Variants in CPNE8 observed in about 807,000 individuals in gnomAD.
CPNE8 encodes the protein copine 8.
In CPNE8, 45 loss-of-function variants were observed where a neutral mutation model predicts 81.5. That is an observed-to-expected ratio of 0.55 (90% confidence interval 0.44 to 0.71). The LOEUF is 0.71. Among genes scored for constraint, CPNE8 ranks in the 30% least tolerant of loss-of-function variants. The pLI, the probability that CPNE8 is intolerant of heterozygous loss-of-function variation, is 0.00. For missense variants in CPNE8, 594 were observed against 672.1 expected (o/e 0.88, Z 1.28); for synonymous variants, 252 against 226.3 (o/e 1.11, Z -1.02).
At chr12:38,749,356 A>G (rs1941304286) in intron 10 of CPNE8, among the ~76,000 whole-genome samples, 1 of 150,642 alleles carries the variant, frequency 6.6e-6, no homozygotes, top group Non-Finnish European at 1.5e-5. Flanking sequence ...CAGCCTGAAA[A>G]CAGGCTAATA....
chr12:38,689,563 T>C (rs907371351), intron 15 of CPNE8, among the ~76,000 whole-genome samples: 1 of 152,254 alleles, frequency 6.6e-6, no homozygotes. Flanking sequence ...GCTTCTGTTT[T>C]ATATACAGTA....
chr12:38,685,323 C>G (rs1226567842), intron 16 of CPNE8, among the ~76,000 whole-genome samples, 167 bp downstream of exon 16: 1 of 152,196 alleles, frequency 6.6e-6, no homozygotes, highest in African/African-American at 2.4e-5. Flanking sequence ...AGCAAAGTAT[C>G]ATGATCGTTT....
intron 6 of CPNE8, among the ~76,000 whole-genome samples, chr12:38,781,365 T>C (rs536671749): frequency 6.6e-6 from 1 of 152,134 alleles, no homozygotes; most frequent in South Asian, 2.1e-4. Flanking sequence ...TATGTAATTA[T>C]ATAAAAATTA....
At position 38,702,855 on chromosome 12, in the gene CPNE8, G is replaced by T; in HGVS notation, c.961+20C>A. 7.0e-7 allele frequency: 1 copy of T among 1,437,864 alleles called. No homozygotes were observed. The allele number at this position is 1,437,864 out of a possible 1,614,324, so 89.1% of individuals were successfully genotyped here. On this transcript the variant is annotated intron_variant, in intron 14 of 19. Coordinates refer to ENST00000331366, the MANE Select transcript of CPNE8 (RefSeq NM_153634.3). ...TGTAATTGCTGATGATTTTTATCAG[G>T]GGATAATCAAAACACTCACCGTTTG...
At chr12:38,829,280 C>A in intron 6 of CPNE8, 99 bp downstream of exon 6, 1 of 712,292 alleles carries the variant, frequency 1.4e-6, no homozygotes, top group South Asian at 2.0e-5. Context: ...GATTTTAAAA[C>A]CCACTTTTGC....
At chr12:38,862,668 G>C (rs981984162) in intron 3 of CPNE8, among the ~76,000 whole-genome samples, 1 of 152,154 alleles carries the variant, frequency 6.6e-6, no homozygotes, top group African/African-American at 2.4e-5. Flanking sequence ...GAAGAGAAAG[G>C]CTGGGTGCAA....
At position 38,718,815 on chromosome 12, in the gene CPNE8, C is replaced by T. The variant is rs140409898; in HGVS notation, c.914+4957G>A. ...TAATAAAAAATGTATGTCACTAAAGCATGTACTAACAGGAAATTTTTAAAT... is the reference window on the plus strand; with the variant it reads ...TAATAAAAAATGTATGTCACTAAAGTATGTACTAACAGGAAATTTTTAAAT... On this transcript the variant is annotated intron_variant, in intron 13 of 19. Coordinates refer to ENST00000331366, the MANE Select transcript of CPNE8 (RefSeq NM_153634.3). Among the ~76,000 whole-genome samples the T allele has an allele frequency of 7.6e-3, 1,157 of 152,096 alleles. 5 individuals carry two copies. The highest frequency in any genetic ancestry group is 0.017 in the Middle Eastern group (5 of 294).
chr12:38,717,540 T>C (rs1290606794), intron 13 of CPNE8, among the ~76,000 whole-genome samples: 1 of 149,388 alleles, frequency 6.7e-6, no homozygotes, highest in Non-Finnish European at 1.5e-5. Flanking sequence ...GAGGTATTTA[T>C]TCTAAGTAAA....
In CPNE8 at chr12:38,762,140, T is replaced by C; in HGVS notation, c.652A>G (p.Arg218Gly). ...TCATAGTCTCCATTACATAATGCTC[T>C]GACTGAGATCTTGAATGCTTGCCAT... ...PVWQAFKISVRALCNGDYDRT... is the reference protein window; with the variant it reads ...PVWQAFKISVGALCNGDYDRT... Residue 218 changes from arginine (R) to glycine (G), a missense_variant, in exon 9 of 20, where the codon AGA becomes GGA. Transcript: ENST00000331366. 1.3e-6 allele frequency: 2 copies of C among 1,596,726 alleles called. No homozygotes were observed. Among genetic ancestry groups the C allele is most frequent in the Non-Finnish European group, 8.5e-7 (1 of 1,169,856 alleles).
chr12:38,802,801 A>T lies in CPNE8; in HGVS notation c.408-26500T>A, dbSNP rs867365112. Among the ~76,000 whole-genome samples the T allele has an allele frequency of 9.9e-3, 1,384 of 139,394 alleles. 25 individuals are homozygous for T. The highest frequency in any genetic ancestry group is 0.034 in the African/African-American group (1,273 of 37,252). The allele number at this position is 139,394 out of a possible 152,430, so 91.4% of individuals were successfully genotyped here. A position where few individuals can be genotyped will look rare whatever the true frequency, so the allele number is the denominator to read the frequency against. On this transcript the variant is annotated intron_variant, in intron 6 of 19. Transcript: ENST00000331366. ...AAAAAGAGAGAAGAATCAAATAGAC[A>T]CAATAAAAAATGATAAAGGGGATAT... is the stretch of plus-strand genomic sequence containing the variant.
At chr12:38,780,288 T>A (rs1057101801) in intron 6 of CPNE8, among the ~76,000 whole-genome samples, 8 of 152,118 alleles carry the variant, frequency 5.3e-5, no homozygotes, top group African/African-American at 1.7e-4. Context: ...AAATAAATTA[T>A]CCATAATGCA....
intron 5 of CPNE8, among the ~76,000 whole-genome samples, chr12:38,836,418 T>C (rs1005333382): frequency 6.6e-6 from 1 of 152,146 alleles, no homozygotes; most frequent in South Asian, 2.1e-4. Context: ...AGTTCTATAT[T>C]CTATCTCCAT....
chr12:38,675,501 C>A (rs1049672901), intron 18 of CPNE8, among the ~76,000 whole-genome samples: 26 of 151,974 alleles, frequency 1.7e-4, no homozygotes, highest in Non-Finnish European at 2.9e-5. Flanking sequence ...AGATAATATC[C>A]TAGTGAAAAG....
At chr12:38,760,242 A>G (rs1319212119) in intron 10 of CPNE8, among the ~76,000 whole-genome samples, 4 of 152,006 alleles carry the variant, frequency 2.6e-5, no homozygotes, top group Non-Finnish European at 5.9e-5. Context: ...TCATTTTACA[A>G]ACATCTCATC....
intron 16 of CPNE8, among the ~76,000 whole-genome samples, chr12:38,682,209 G>C (rs1029720083): frequency 2.6e-5 from 4 of 151,676 alleles, no homozygotes; most frequent in Non-Finnish European, 5.9e-5. Flanking sequence ...GACAGAGAGA[G>C]ATTCTGTCTC....
Position 38,787,468 on chromosome 12 carries a change from A to G in CPNE8, c.408-11167T>C, listed in dbSNP as rs578037905. 4.7e-5 allele frequency among the ~76,000 whole-genome samples: 7 copies of G among 150,368 alleles called. No homozygotes were observed. The Middle Eastern group carries it at 0.021, about 441-fold the overall frequency. On this transcript the variant is annotated intron_variant, in intron 6 of 19. Coordinates refer to ENST00000331366, the MANE Select transcript of CPNE8 (RefSeq NM_153634.3). The stretch of plus-strand genomic sequence containing the variant: ...GAAAATGCAGTACTAAGAAGTTTAT[A>G]GCTGTAAGTGCTTCCATTAAAAAAA...
chr12:38,796,276 G>A (rs1024563484), intron 6 of CPNE8, among the ~76,000 whole-genome samples: 1 of 151,550 alleles, frequency 6.6e-6, no homozygotes, highest in Non-Finnish European at 1.5e-5. Context: ...GAGAGAGTGG[G>A]ACTCCATCTC....
chr12:38,715,824 A>T (rs1940373069), intron 13 of CPNE8, among the ~76,000 whole-genome samples: 1 of 152,122 alleles, frequency 6.6e-6, no homozygotes, highest in African/African-American at 2.4e-5. Flanking sequence ...AATAAAGTGC[A>T]TCTAAATTGG....
chr12:38,859,434 A>C (rs1041427373), intron 3 of CPNE8, among the ~76,000 whole-genome samples: 5 of 152,156 alleles, frequency 3.3e-5, no homozygotes, highest in African/African-American at 1.2e-4. Context: ...TAAATAAGAA[A>C]GACAAAAAAA....
Sources: allele counts gnomAD v4.1 joint callset (sites outside exome capture counted in the v4.1 genomes callset), GRCh38; gene constraint gnomAD v4.1.1; transcripts MANE v1.5; gene names NCBI Gene and HGNC (gene_info 2026-07-23, HGNC 2026-07-21).